Variants in KIF1B observed in about 807,000 individuals in gnomAD.
KIF1B encodes the protein kinesin-like protein KIF1B.
KIF1B carries 76 observed loss-of-function variants against 241.9 expected under a neutral mutation model. The observed-to-expected ratio is 0.31, with a 90% CI of 0.26 to 0.38. The LOEUF is 0.38. KIF1B is among the 10% of genes least tolerant of loss of function. The pLI, the probability that KIF1B is intolerant of heterozygous loss-of-function variation, is 1.00. For synonymous variants in KIF1B, 750 were observed against 796.7 expected (o/e 0.94, Z 0.99); for missense variants, 1,622 against 2,271.4 (o/e 0.71, Z 5.81).
chr1:10,346,107 T>A (rs185103523), intron 35 of KIF1B, among the ~76,000 whole-genome samples, 154 bp downstream of exon 35: 2 of 152,284 alleles, frequency 1.3e-5, no homozygotes, highest in Admixed American at 6.5e-5. Flanking sequence ...AGAGATGCAG[T>A]CTTGTTATGT....
chr1:10,352,340 T>TG (rs1370882234), intron 37 of KIF1B, among the ~76,000 whole-genome samples: 1 of 152,168 alleles, frequency 6.6e-6, no homozygotes, highest in Non-Finnish European at 1.5e-5. Flanking sequence ...AAATGGCTGT[T>TG]GCAGGTTCCA....
chr1:10,344,031 C>T (rs1464693044), intron 34 of KIF1B, among the ~76,000 whole-genome samples: 1 of 152,100 alleles, frequency 6.6e-6, no homozygotes, highest in Non-Finnish European at 1.5e-5. Flanking sequence ...CGCCAAATTC[C>T]CACCCCACCC....
At chr1:10,306,448 G>A in intron 22 of KIF1B, 4 of 995,394 alleles carry the variant, frequency 4.0e-6, no homozygotes, top group Non-Finnish European at 4.9e-6. Context: ...TATTTTCTAA[G>A]ATTAAAAATA....
At chr1:10,311,718 C>A (rs1454551440) in intron 22 of KIF1B, among the ~76,000 whole-genome samples, 1 of 151,296 alleles carries the variant, frequency 6.6e-6, no homozygotes, top group South Asian at 2.1e-4. Flanking sequence ...GGGACACTTT[C>A]TTCTCTTGGC....
chr1:10,273,934 C>CTT (rs35845856), intron 10 of KIF1B, among the ~76,000 whole-genome samples: 1,843 of 116,730 alleles, frequency 0.016, 80 homozygotes, highest in African/African-American at 0.042. Flanking sequence ...TTAGTAGCTT[C>CTT]TTTTTTTTTT....
At chr1:10,290,150 TAATTA>T (rs1395386556) in intron 15 of KIF1B, among the ~76,000 whole-genome samples, 2 of 152,062 alleles carry the variant, frequency 1.3e-5, no homozygotes, top group Non-Finnish European at 2.9e-5. Context: ...AAATTTAATT[TAATTA>T]ATTTATTTTT....
chr1:10,359,345 C>G (rs1358611860), intron 38 of KIF1B, among the ~76,000 whole-genome samples: 4 of 152,090 alleles, frequency 2.6e-5, no homozygotes, highest in South Asian at 2.1e-4. Context: ...CTGCGGAGAA[C>G]TAGTGATGGT....
Position 10,255,785 on chromosome 1 carries a change from A to G in KIF1B, c.107-462A>G, listed in dbSNP as rs554189729. Among the ~76,000 whole-genome samples, 109 of 152,144 alleles carry G rather than the reference A, an allele frequency of 7.2e-4. 1 individual carries two copies. The highest frequency in any genetic ancestry group is 1.2e-3 in the Admixed American group (18 of 15,282). ...CATGTATAAATTACCTCTTAAAACT[A>G]TGATTGTTTTCATTCATTCATTCAT... On this transcript the variant is annotated intron_variant, in intron 2 of 48. Coordinates refer to ENST00000676179, the MANE Select transcript of KIF1B (RefSeq NM_001365951.3).
intron 2 of KIF1B, among the ~76,000 whole-genome samples, chr1:10,234,564 C>T (rs1019363766): frequency 2.4e-4 from 37 of 151,800 alleles, no homozygotes; most frequent in African/African-American, 8.7e-4. Flanking sequence ...CTCTGTCACG[C>T]AGGCTGGAGT....
intron 14 of KIF1B, 95 bp from the exon 15 acceptor site, chr1:10,282,227 T>G: frequency 9.9e-7 from 1 of 1,014,524 alleles, no homozygotes; most frequent in Admixed American, 2.1e-5. Flanking sequence ...AATGCTGTCC[T>G]TTCTTACAAC....
chr1:10,336,963 T>G, intron 29 of KIF1B, 111 bp from the exon 30 acceptor site: 1 of 1,446,936 alleles, frequency 6.9e-7, no homozygotes, highest in Non-Finnish European at 9.7e-7. Flanking sequence ...TCAGTCCATA[T>G]AATTTTCCAG....
In KIF1B at chr1:10,378,694, C is replaced by T. The variant is rs1638950383; in HGVS notation, c.*2107C>T. 2 of 441,584 alleles carry T rather than the reference C, an allele frequency of 4.5e-6. No homozygotes were observed. Among genetic ancestry groups the T allele is most frequent in the South Asian group, 5.6e-5 (2 of 35,886 alleles). 27.4% of individuals were successfully genotyped at this position (441,584 alleles called of 1,614,324 possible). A position where few individuals can be genotyped will look rare whatever the true frequency, so the allele number is the denominator to read the frequency against. On this transcript the variant is annotated 3_prime_UTR_variant, in exon 49 of 49. Transcript: ENST00000676179. ...TTGCTAGGGAGACTTGTGTCATCATCCACAACCTTGTTTCTCACTTCCTGG... is the reference window on the plus strand; with the variant it reads ...TTGCTAGGGAGACTTGTGTCATCATTCACAACCTTGTTTCTCACTTCCTGG...
rs77474900 is a variant in KIF1B at position 10,380,854 on chromosome 1, A to G, written c.*4267A>G. 1,647 of 219,950 alleles carry G rather than the reference A, an allele frequency of 7.5e-3. 21 individuals are homozygous for G. Among genetic ancestry groups the G allele is most frequent in the African/African-American group, 0.034 (1,513 of 44,674 alleles). 13.6% of individuals were successfully genotyped at this position (219,950 alleles called of 1,614,324 possible). ...GGCCAGACCATGACTGTGTAGCAGG[A>G]ATGTTTTAATTTGTGCTTCCTTAGT... On this transcript the variant is annotated 3_prime_UTR_variant, in exon 49 of 49. Coordinates refer to ENST00000676179, the MANE Select transcript of KIF1B (RefSeq NM_001365951.3).
rs898914547 is a variant in KIF1B at position 10,365,282 on chromosome 1, T to G, written c.4512+37T>G. 15 of 1,613,448 alleles carry G rather than the reference T, an allele frequency of 9.3e-6. No homozygotes were observed. The highest frequency in any genetic ancestry group is 1.3e-5 in the Non-Finnish European group (15 of 1,179,738). The stretch of plus-strand genomic sequence containing the variant: ...CAGGGTTGTTCAGATGCAAGAACTC[T>G]CGGACAAGATTGCCAAAGTATCAGT... On this transcript the variant is annotated intron_variant, in intron 42 of 48. Transcript: ENST00000676179. This position sits in a 1 kb window ranked among gnomAD's most constrained non-coding sequence, Gnocchi z 4.0.
At chr1:10,299,974 C>T (rs771432896) in intron 22 of KIF1B, among the ~76,000 whole-genome samples, 10 of 152,110 alleles carry the variant, frequency 6.6e-5, no homozygotes, top group South Asian at 6.2e-4. Context: ...CGGTGGCTCA[C>T]GCCTGTAATC....
chr1:10,381,511 G>A lies in KIF1B; in HGVS notation c.*4924G>A. 1 of 202,390 alleles carries A rather than the reference G, an allele frequency of 4.9e-6. No individual in the cohort carries two copies. Among genetic ancestry groups the A allele is most frequent in the Non-Finnish European group, 1.0e-5 (1 of 98,150 alleles). 12.5% of individuals were successfully genotyped at this position (202,390 alleles called of 1,614,324 possible). On this transcript the variant is annotated 3_prime_UTR_variant, in exon 49 of 49. Transcript: ENST00000676179. Reference sequence around the variant, plus strand: ...TGCTGTATAGCCTTAGATGTGCAATGCAGACACTATCTAACTGTGTGTGGT... The same window carrying A: ...TGCTGTATAGCCTTAGATGTGCAATACAGACACTATCTAACTGTGTGTGGT...
chr1:10,343,592 C>T (rs933139007), intron 34 of KIF1B, among the ~76,000 whole-genome samples: 1 of 152,012 alleles, frequency 6.6e-6, no homozygotes, highest in Non-Finnish European at 1.5e-5. Flanking sequence ...ACCCTCGTCT[C>T]TACTAAAAAT....
chr1:10,272,002 A>G (rs769765552), intron 8 of KIF1B, among the ~76,000 whole-genome samples: 2 of 152,236 alleles, frequency 1.3e-5, no homozygotes, highest in Non-Finnish European at 2.9e-5. Context: ...AAGGCTGCAC[A>G]CATCTGTAAG....
At chr1:10,263,284 T>A (rs12408435) in intron 5 of KIF1B, among the ~76,000 whole-genome samples, 35,429 of 142,392 alleles carry the variant, frequency 0.25, 4,637 homozygotes, top group Admixed American at 0.31. Flanking sequence ...AAAAAAATAA[T>A]AATAATAAAT....
Sources: allele counts gnomAD v4.1 joint callset (sites outside exome capture counted in the v4.1 genomes callset), GRCh38; gene constraint gnomAD v4.1.1; non-coding constraint Gnocchi (gnomAD v3.1); transcripts MANE v1.5; gene names NCBI Gene and HGNC (gene_info 2026-07-23, HGNC 2026-07-21).